Variants in MYRIP observed in about 807,000 individuals in gnomAD.
The protein encoded by MYRIP is myosin VIIA and Rab interacting protein, also known as rab effector MyRIP.
In MYRIP, 49 loss-of-function variants were observed where a neutral mutation model predicts 98.0. The ratio of observed to expected loss-of-function variants is 0.50; its 90% CI spans 0.40 to 0.63. MYRIP has a LOEUF of 0.63. MYRIP is among the 30% of genes least tolerant of loss of function. The pLI is 0.00. For missense variants in MYRIP, 1,004 were observed against 1,058.2 expected (o/e 0.95, Z 0.71); for synonymous variants, 404 against 409.5 (o/e 0.99, Z 0.16).
intron 3 of MYRIP, among the ~76,000 whole-genome samples, chr3:40,044,889 A>T (rs1470059440): frequency 6.6e-6 from 1 of 152,204 alleles, no homozygotes; most frequent in Non-Finnish European, 1.5e-5. Flanking sequence ...TGCGAGGGAA[A>T]TAACAAGCAT....
intron 10 of MYRIP, among the ~76,000 whole-genome samples, chr3:40,194,827 A>G (rs1178508713): frequency 6.6e-6 from 1 of 151,946 alleles, no homozygotes; most frequent in African/African-American, 2.4e-5. Context: ...TGTAAATGAG[A>G]TTTTATTTAT....
intron 12 of MYRIP, among the ~76,000 whole-genome samples, chr3:40,236,845 T>A (rs541361490): frequency 4.7e-5 from 7 of 148,370 alleles, no homozygotes; most frequent in African/African-American, 1.8e-4. Context: ...TATTGGAGAG[T>A]GTTTTTTTTT....
At chr3:39,822,409 C>G (rs979817506) in intron 1 of MYRIP, among the ~76,000 whole-genome samples, 1 of 152,122 alleles carries the variant, frequency 6.6e-6, no homozygotes, top group Non-Finnish European at 1.5e-5. Context: ...GAATGTGGCC[C>G]AACACAAATT....
chr3:39,962,078 C>A (rs1945337676), intron 2 of MYRIP, among the ~76,000 whole-genome samples: 1 of 152,072 alleles, frequency 6.6e-6, no homozygotes, highest in Non-Finnish European at 1.5e-5. Flanking sequence ...CTAATTAATT[C>A]ATCTGGATTC....
chr3:39,986,389 GTCTC>G (rs1553654401), intron 2 of MYRIP, among the ~76,000 whole-genome samples: 1 of 150,952 alleles, frequency 6.6e-6, no homozygotes, highest in Admixed American at 6.6e-5. Context: ...ATTTCTCTCT[GTCTC>G]TCTCTTTCTC....
chr3:40,247,207 T>G (rs377683816), intron 13 of MYRIP, among the ~76,000 whole-genome samples: 2 of 152,346 alleles, frequency 1.3e-5, no homozygotes, highest in South Asian at 2.1e-4. Flanking sequence ...ATTGTAGCCA[T>G]GTTTTATGGC....
intron 2 of MYRIP, 44 bp downstream of exon 2, chr3:39,900,970 T>A: frequency 6.9e-7 from 1 of 1,451,190 alleles, no homozygotes; most frequent in Non-Finnish European, 9.6e-7. Flanking sequence ...AAACCACATG[T>A]GGACAAGCGT....
intron 10 of MYRIP, among the ~76,000 whole-genome samples, chr3:40,194,818 G>A (rs1951344862): frequency 6.6e-6 from 1 of 151,774 alleles, no homozygotes; most frequent in African/African-American, 2.4e-5. Flanking sequence ...TGTTGATATT[G>A]TAAATGAGAT....
chr3:40,080,627 C>G (rs1462087425), intron 3 of MYRIP, among the ~76,000 whole-genome samples: 1 of 151,884 alleles, frequency 6.6e-6, no homozygotes, highest in African/African-American at 2.4e-5. Context: ...ATCTTATTCT[C>G]TAAGTGTGTA....
intron 4 of MYRIP, among the ~76,000 whole-genome samples, chr3:40,157,334 A>G (rs574197030): frequency 8.2e-6 from 1 of 122,392 alleles, no homozygotes; most frequent in East Asian, 2.3e-4. Flanking sequence ...CTTGCATCCC[A>G]GGGATGAAGC....
At chr3:39,885,578 AT>A (rs1359479461) in intron 1 of MYRIP, among the ~76,000 whole-genome samples, 2 of 152,120 alleles carry the variant, frequency 1.3e-5, no homozygotes, top group African/African-American at 4.8e-5. Context: ...CCTGGATAAT[AT>A]CCCGCAGAGT....
chr3:39,925,456 T>C (rs1263467322), intron 2 of MYRIP, among the ~76,000 whole-genome samples: 1 of 151,996 alleles, frequency 6.6e-6, no homozygotes, highest in Admixed American at 6.6e-5. Flanking sequence ...TAGTACTCAA[T>C]AGGGAATTTT....
At chr3:40,055,450 G>A (rs2125842929) in intron 3 of MYRIP, among the ~76,000 whole-genome samples, 1 of 152,198 alleles carries the variant, frequency 6.6e-6, no homozygotes, top group South Asian at 2.1e-4. Flanking sequence ...TTAAATTAGG[G>A]GAGAAAAATC....
intron 4 of MYRIP, among the ~76,000 whole-genome samples, chr3:40,155,305 T>C (rs1036853474): frequency 3.3e-5 from 5 of 151,828 alleles, no homozygotes; most frequent in African/African-American, 1.2e-4. Context: ...TCCATGTCCC[T>C]ACAAAGGACA....
chr3:39,958,146 C>T (rs1308799589), intron 2 of MYRIP, among the ~76,000 whole-genome samples: 1 of 152,156 alleles, frequency 6.6e-6, no homozygotes, highest in African/African-American at 2.4e-5. Context: ...ATCAAGCTAC[C>T]AATGACTTTC....
chr3:40,190,273 G>A lies in MYRIP; in HGVS notation c.1475G>A (p.Gly492Glu). The A allele has an allele frequency of 6.2e-7, 1 of 1,614,062 alleles. No individual in the cohort carries two copies. Among genetic ancestry groups the A allele is most frequent in the Non-Finnish European group, 8.5e-7 (1 of 1,180,016 alleles). The stretch of plus-strand genomic sequence containing the variant: ...GCAGCTGAGAAGATGCGCTTGCATG[G>A]AGAGCTGGACGTGAACTTCAACCCC... ...NPAAEKMRLH[G>E]ELDVNFNPQL... Residue 492 changes from glycine to glutamate, a missense_variant, in exon 10 of 17, where the codon GGA becomes GAA. Physicochemically the swap from Gly to Glu is moderately conservative, Grantham distance 98 (BLOSUM62 -2). Around this residue, in one of 3 missense-constraint regions of MYRIP, gnomAD observed 880 missense variants for 907.7 expected, o/e 0.97. Coordinates refer to ENST00000302541, the MANE Select transcript of MYRIP (RefSeq NM_015460.4).
intron 2 of MYRIP, among the ~76,000 whole-genome samples, chr3:39,952,312 T>A (rs1251742818): frequency 6.6e-6 from 1 of 152,168 alleles, no homozygotes. Context: ...TTGTTTTCAC[T>A]CCCTAGCCAT....
chr3:40,000,203 A>T (rs962414434), intron 2 of MYRIP, among the ~76,000 whole-genome samples: 6 of 147,918 alleles, frequency 4.1e-5, no homozygotes, highest in Admixed American at 1.3e-4. Flanking sequence ...TGTTAACTTT[A>T]AAAAAAAAAG....
intron 4 of MYRIP, among the ~76,000 whole-genome samples, chr3:40,158,254 C>G (rs1007368939): frequency 2.6e-5 from 4 of 152,080 alleles, no homozygotes; most frequent in Non-Finnish European, 5.9e-5. Flanking sequence ...TCGTTATGTA[C>G]CCAGTAGTCA....
Sources: allele counts gnomAD v4.1 joint callset (sites outside exome capture counted in the v4.1 genomes callset), GRCh38; gene constraint gnomAD v4.1.1; regional missense constraint gnomAD v4.1.1; transcripts MANE v1.5; gene names NCBI Gene and HGNC (gene_info 2026-07-23, HGNC 2026-07-21).